Variants in TENM3 observed in about 807,000 individuals in gnomAD.
TENM3 encodes the protein teneurin-3.
TENM3 carries 63 observed loss-of-function variants against 255.1 expected under a neutral mutation model. The ratio of observed to expected loss-of-function variants is 0.25; its 90% confidence interval spans 0.20 to 0.30. The LOEUF is 0.30. Among genes scored for constraint, TENM3 ranks in the 10% least tolerant of loss-of-function variants. The probability of loss-of-function intolerance (pLI) is 1.00; values close to 1 mark genes in which losing one functional copy is unlikely to be tolerated. For missense variants in TENM3, 2,929 were observed against 3,461.1 expected (o/e 0.85, Z 3.86); for synonymous variants, 1,306 against 1,322.3 (o/e 0.99, Z 0.27).
the TENM3 span, among the ~76,000 whole-genome samples, chr4:182,025,785 G>T: frequency 6.6e-6 from 1 of 152,126 alleles, no homozygotes; most frequent in South Asian, 2.1e-4. Flanking sequence ...ATGAAGCTGA[G>T]CACCTTTTCA....
At chr4:181,770,673 T>TG in the TENM3 span, among the ~76,000 whole-genome samples, 2 of 39,904 alleles carry the variant, frequency 5.0e-5, no homozygotes, top group African/African-American at 1.9e-4. Context: ...AGACTCTGTC[T>TG]CAAAAAAAAA....
the TENM3 span, among the ~76,000 whole-genome samples, chr4:181,695,982 C>G: frequency 6.6e-6 from 1 of 151,404 alleles, no homozygotes; most frequent in Non-Finnish European, 1.5e-5. Context: ...CAGAATATAA[C>G]TTTACCATTT....
At chr4:182,425,725 G>A (rs138870936) in intron 3 of TENM3, among the ~76,000 whole-genome samples, 62 of 152,242 alleles carry the variant, frequency 4.1e-4, no homozygotes, top group African/African-American at 7.7e-4. Flanking sequence ...AACACTCAAA[G>A]TGGGCTGGGC....
the TENM3 span, among the ~76,000 whole-genome samples, chr4:181,665,057 A>G: frequency 6.6e-6 from 1 of 152,176 alleles, no homozygotes. Flanking sequence ...ATCTCACTAA[A>G]GGAGAAATAG....
chr4:181,609,728 G>A, the TENM3 span, among the ~76,000 whole-genome samples: 1 of 152,212 alleles, frequency 6.6e-6, no homozygotes, highest in Non-Finnish European at 1.5e-5. Flanking sequence ...GCTCTCTAAT[G>A]TGGATTTGAA....
At chr4:182,321,129 C>T (rs28659957) in intron 1 of TENM3, among the ~76,000 whole-genome samples, 43,780 of 151,948 alleles carry the variant, frequency 0.29, 6,589 homozygotes, top group African/African-American at 0.36. Flanking sequence ...CTATAGGGCC[C>T]TCCCTCCAAA....
At chr4:181,595,445 A>AAAAAAAAC in the TENM3 span, among the ~76,000 whole-genome samples, 9 of 112,208 alleles carry the variant, frequency 8.0e-5, no homozygotes, top group East Asian at 1.6e-3. Context: ...AAAAAAAAAA[A>AAAAAAAAC]AAAAAAAAAC....
Position 182,775,087 on chromosome 4 carries a change from G to T in TENM3, c.5238G>T (p.Leu1746Phe). 1 of 1,613,966 alleles carries T rather than the reference G, an allele frequency of 6.2e-7. No individual in the cohort carries two copies. Residue 1746 changes from leucine (L) to phenylalanine (F), a missense_variant, in exon 24 of 28, where the codon TTG becomes TTT. This residue lies in a region of TENM3 where 303 missense variants were observed against 425.2 expected (regional missense o/e 0.71). Transcript: ENST00000511685. The stretch of plus-strand genomic sequence containing the variant: ...TGCCTGGCGAGAACGGTCAAAACTT[G>T]GTGGAATGGAGATTCCGAAAAGAGC... ...MTLPGENGQN[L>F]VEWRFRKEQA...
At chr4:182,268,526 A>T in intron 1 of TENM3, among the ~76,000 whole-genome samples, 1 of 152,158 alleles carries the variant, frequency 6.6e-6, no homozygotes, top group African/African-American at 2.4e-5. Flanking sequence ...GCTGGGTAAA[A>T]TGAGTCTAAC....
At chr4:181,977,857 CAG>C in the TENM3 span, among the ~76,000 whole-genome samples, 1 of 152,078 alleles carries the variant, frequency 6.6e-6, no homozygotes, top group African/African-American at 2.4e-5. Flanking sequence ...AAGAAGTAAT[CAG>C]AGAGAATCAG....
chr4:181,646,039 G>A, the TENM3 span, among the ~76,000 whole-genome samples: 11 of 152,294 alleles, frequency 7.2e-5, no homozygotes, highest in Admixed American at 7.2e-4. Flanking sequence ...GCAAACTATG[G>A]ACACGCACAT....
intron 1 of TENM3, among the ~76,000 whole-genome samples, chr4:182,323,495 T>C (rs1008918849): frequency 1.3e-5 from 2 of 151,800 alleles, no homozygotes; most frequent in African/African-American, 4.8e-5. Flanking sequence ...GTTCCTGCTC[T>C]TTAGAATACA....
At position 182,754,985 on chromosome 4, in the gene TENM3, G is replaced by A. The variant is rs778883513; in HGVS notation, c.4618G>A (p.Asp1540Asn). The change falls in exon 22 of 28, where the codon GAT (aspartate) becomes AAT (asparagine). Residue 1540 changes from aspartate (D) to asparagine (N), a missense_variant. Coordinates refer to ENST00000511685, the MANE Select transcript of TENM3 (RefSeq NM_001080477.4). The surrounding 1 kb of genome is among the most constrained non-coding windows in gnomAD (Gnocchi z 5.1). ...HQYTVSLVTG[D>N]YLYNFSYSND... Reference sequence around the variant, plus strand: ...ATATACTGTAAGTTTAGTCACTGGTGATTACCTTTACAATTTTAGCTACAG... The same window carrying A: ...ATATACTGTAAGTTTAGTCACTGGTAATTACCTTTACAATTTTAGCTACAG... 23 of 1,613,868 alleles carry A rather than the reference G, an allele frequency of 1.4e-5. No individual in the cohort carries two copies. Among genetic ancestry groups the A allele is most frequent in the Non-Finnish European group, 1.9e-5 (22 of 1,179,886 alleles).
intron 3 of TENM3, among the ~76,000 whole-genome samples, chr4:182,570,604 C>T (rs551090405): frequency 2.6e-5 from 4 of 152,290 alleles, no homozygotes; most frequent in Admixed American, 1.3e-4. Context: ...AATCCCAACA[C>T]TTTGGGAGGC....
At chr4:181,893,942 A>G in the TENM3 span, among the ~76,000 whole-genome samples, 2 of 152,190 alleles carry the variant, frequency 1.3e-5, no homozygotes, top group African/African-American at 2.4e-5. Context: ...AAAACTACCA[A>G]TAAACAAACA....
the TENM3 span, among the ~76,000 whole-genome samples, chr4:181,850,260 A>G: frequency 5.3e-5 from 8 of 152,082 alleles, no homozygotes; most frequent in Non-Finnish European, 1.2e-4. Context: ...AATTATGATG[A>G]TATCTCCAAT....
At chr4:181,619,276 C>T in the TENM3 span, among the ~76,000 whole-genome samples, 13 of 152,116 alleles carry the variant, frequency 8.5e-5, no homozygotes, top group African/African-American at 3.1e-4. Context: ...TCCATACCCT[C>T]ATCAATAGCC....
chr4:181,619,881 C>T, the TENM3 span, among the ~76,000 whole-genome samples: 1 of 152,200 alleles, frequency 6.6e-6, no homozygotes, highest in Non-Finnish European at 1.5e-5. Flanking sequence ...CGTCAACAGC[C>T]GTATTCATTG....
At position 182,245,459 on chromosome 4, in the gene TENM3, T is replaced by G. The variant is rs189297047; in HGVS notation, c.-76+1983T>G. Among the ~76,000 whole-genome samples, 14 of 152,332 alleles carry G rather than the reference T, an allele frequency of 9.2e-5. No individual in the cohort carries two copies. The East Asian group carries it at 2.5e-3, about 27-fold the overall frequency. ...AGAAATTCCAATTGAGATTGCAAAT[T>G]TTGTTTTAATTCTCTGTTGCTTTTC... On this transcript the variant is annotated intron_variant, in intron 1 of 27. Transcript: ENST00000511685.
Sources: allele counts gnomAD v4.1 joint callset (sites outside exome capture counted in the v4.1 genomes callset), GRCh38; gene constraint gnomAD v4.1.1; regional missense constraint gnomAD v4.1.1; non-coding constraint Gnocchi (gnomAD v3.1); transcripts MANE v1.5; gene names NCBI Gene and HGNC (gene_info 2026-07-23, HGNC 2026-07-21).